TNFRSF13B: variants seen among roughly 807,000 people sequenced by gnomAD.
TNFRSF13B encodes the protein tumor necrosis factor receptor superfamily member 13B.
TNFRSF13B carries 34 observed loss-of-function variants against 24.0 expected under a neutral mutation model. The observed-to-expected ratio is 1.41, with a 90% CI of 1.08 to 1.88. TNFRSF13B has a LOEUF of 1.88. Among genes scored for constraint, TNFRSF13B ranks in the 40% most tolerant of loss-of-function variants. The probability of loss-of-function intolerance (pLI) is 0.00; values close to 1 mark genes in which losing one functional copy is unlikely to be tolerated. For missense variants in TNFRSF13B, 415 were observed against 380.8 expected, an observed-to-expected ratio of 1.09 and a Z score of -0.75; for synonymous variants, 173 against 150.3, an observed-to-expected ratio of 1.15 and a Z score of -1.10.
chr17:16,961,063 C>T (rs1381939667), intron 1 of TNFRSF13B, among the ~76,000 whole-genome samples: 2 of 152,236 alleles, frequency 1.3e-5, no homozygotes, highest in Non-Finnish European at 2.9e-5. Context: ...TATCATTTCA[C>T]ACCCATTAGG....
chr17:16,955,408 G>A (rs907491291), intron 1 of TNFRSF13B, among the ~76,000 whole-genome samples: 27 of 152,234 alleles, frequency 1.8e-4, no homozygotes, highest in African/African-American at 4.6e-4. Context: ...TGTAAAGGAC[G>A]TTCGTAGAAC....
chr17:16,940,139 G>A, intron 4 of TNFRSF13B, 187 bp downstream of exon 4: 1 of 1,433,764 alleles, frequency 7.0e-7, no homozygotes, highest in African/African-American at 1.4e-5. Flanking sequence ...CCCTTCCCGG[G>A]TGCCACTCTC....
Position 16,971,863 on chromosome 17 carries a change from A to C in TNFRSF13B, c.61+152T>G, listed in dbSNP as rs1013530565. 5 of 766,632 alleles carry C rather than the reference A, an allele frequency of 6.5e-6. No individual in the cohort carries two copies. In the African/African-American group the frequency reaches 8.6e-5, roughly 13 times the overall value. 47.5% of individuals were successfully genotyped at this position (766,632 alleles called of 1,614,324 possible). On this transcript the variant is annotated intron_variant, in intron 1 of 4. Coordinates refer to ENST00000261652, the MANE Select transcript of TNFRSF13B (RefSeq NM_012452.3). ...GAGGCATCCAGACTCGGGGCTCTCC[A>C]TGTGCAGGAGCTTGGGGAGGCTGGG...
At chr17:16,952,638 G>T in intron 1 of TNFRSF13B, 55 bp from the exon 2 acceptor site, 1 of 1,613,168 alleles carries the variant, frequency 6.2e-7, no homozygotes, top group South Asian at 1.1e-5. Flanking sequence ...CCGGCCTCTT[G>T]TCCCTGATGG....
Position 16,944,710 on chromosome 17 carries a change from A to G in TNFRSF13B, c.445+4028T>C, listed in dbSNP as rs372376580. Reference sequence around the variant, plus strand: ...AACTGCCTCATTCTCCCCACTCCCCATGCACAGCAAGCCTGCCACAGTTCC... The same window carrying G: ...AACTGCCTCATTCTCCCCACTCCCCGTGCACAGCAAGCCTGCCACAGTTCC... On this transcript the variant is annotated intron_variant, in intron 3 of 4. Transcript: ENST00000261652. Among the ~76,000 whole-genome samples the G allele has an allele frequency of 2.0e-5, 3 of 152,050 alleles. No homozygotes were observed. The East Asian group carries it at 5.8e-4, about 29-fold the overall frequency.
intron 1 of TNFRSF13B, among the ~76,000 whole-genome samples, chr17:16,963,549 T>G (rs1174837549): frequency 6.6e-6 from 1 of 151,802 alleles, no homozygotes; most frequent in Non-Finnish European, 1.5e-5. Flanking sequence ...GTTTTTGTTT[T>G]TGTTTTTTTG....
At chr17:16,952,417 G>A (rs770614505) in intron 2 of TNFRSF13B, 29 bp downstream of exon 2, 2 of 1,613,736 alleles carry the variant, frequency 1.2e-6, no homozygotes, top group Non-Finnish European at 1.7e-6. Flanking sequence ...TGATCACACT[G>A]TCCCCTCGGC....
Position 16,972,044 on chromosome 17 carries a change from C to T in TNFRSF13B, c.32G>A (p.Gly11Asp). The T allele has an allele frequency of 6.2e-7, 1 of 1,614,116 alleles. No homozygotes were observed. The highest frequency in any genetic ancestry group is 8.5e-7 in the Non-Finnish European group (1 of 1,180,034). The change falls in exon 1 of 5, where the codon GGC becomes GAC. Residue 11 changes from glycine to aspartate, a missense_variant. Gly to Asp is a moderately conservative substitution (Grantham distance 94). Coordinates refer to ENST00000261652, the MANE Select transcript of TNFRSF13B (RefSeq NM_012452.3). MSGLGRSRRG[G>D]RSRVDQEERF... Reference sequence around the variant, plus strand: ...CTCCTCCTGGTCCACACGGCTCCGGCCACCTCGCCTGCTCCGGCCCAGGCC... The same window carrying T: ...CTCCTCCTGGTCCACACGGCTCCGGTCACCTCGCCTGCTCCGGCCCAGGCC...
In TNFRSF13B at chr17:16,972,072, T is replaced by C. The variant is rs769586971; in HGVS notation, c.4A>G (p.Ser2Gly). M[S>G]GLGRSRRGGR... ...CCTCGCCTGCTCCGGCCCAGGCCAC[T>C]CATTACTCAGGATGCTTATTACTAG... The change falls in exon 1 of 5, where the codon AGT becomes GGT. Residue 2 changes from serine to glycine, a missense_variant. Ser to Gly is a moderately conservative substitution (Grantham distance 56, BLOSUM62 0). Coordinates refer to ENST00000261652, the MANE Select transcript of TNFRSF13B (RefSeq NM_012452.3). The C allele has an allele frequency of 1.2e-6, 2 of 1,613,952 alleles. No individual in the cohort carries two copies. The highest frequency in any genetic ancestry group is 2.2e-5 in the South Asian group (2 of 91,084).
intron 3 of TNFRSF13B, among the ~76,000 whole-genome samples, chr17:16,946,594 TTA>T (rs1567651582): frequency 3.2e-4 from 47 of 148,940 alleles, no homozygotes; most frequent in South Asian, 1.7e-3. Context: ...ATTTATTTAT[TTA>T]TTTTTTTTTG....
At chr17:16,958,452 G>A (rs1597665389) in intron 1 of TNFRSF13B, among the ~76,000 whole-genome samples, 2 of 151,606 alleles carry the variant, frequency 1.3e-5, no homozygotes, top group Admixed American at 1.3e-4. Context: ...AAACCCACAG[G>A]CTTCATGTAT....
At chr17:16,964,602 A>T in intron 1 of TNFRSF13B, among the ~76,000 whole-genome samples, 1 of 152,062 alleles carries the variant, frequency 6.6e-6, no homozygotes, top group South Asian at 2.1e-4. Context: ...CAGCCTCCCA[A>T]AGTGCTGGGA....
chr17:16,944,421 C>T (rs2087533199), intron 3 of TNFRSF13B, among the ~76,000 whole-genome samples: 1 of 152,130 alleles, frequency 6.6e-6, no homozygotes, highest in East Asian at 1.9e-4. Context: ...ACTCCAGCCT[C>T]ACAGAACTAA....
intron 1 of TNFRSF13B, 134 bp from the exon 2 acceptor site, chr17:16,952,717 G>T: frequency 7.2e-7 from 1 of 1,396,752 alleles, no homozygotes; most frequent in South Asian, 1.2e-5. Flanking sequence ...AGAGAGGGCA[G>T]ACAAAGTTGG....
intron 1 of TNFRSF13B, 109 bp from the exon 2 acceptor site, chr17:16,952,692 T>TG: frequency 6.6e-7 from 1 of 1,526,696 alleles, no homozygotes; most frequent in Non-Finnish European, 8.9e-7. Flanking sequence ...CAGACAACCT[T>TG]TCTGTCTGAG....
chr17:16,939,727 G>A lies in TNFRSF13B; in HGVS notation c.702C>T (p.Phe234=), dbSNP rs758453350. ...CCTGCGTGGGCGCCCTGCACTCAGG[G>A]AAGCAGAAGCTGCAGGTCTCCACTG... ...PEPVETCSFC[F]PECRAPTQES... is the part of the protein sequence containing the mutation. The change falls in exon 5 of 5, where the codon TTC becomes TTT. Residue 234 remains phenylalanine (F), a synonymous_variant. Transcript: ENST00000261652. The A allele has an allele frequency of 5.0e-6, 8 of 1,606,180 alleles. No homozygotes were observed. In the African/African-American group the frequency reaches 8.0e-5, roughly 16 times the overall value.
intron 4 of TNFRSF13B, chr17:16,940,037 A>T: frequency 1.0e-6 from 1 of 979,224 alleles, no homozygotes; most frequent in Non-Finnish European, 1.5e-6. Flanking sequence ...ACGCCCCCCA[A>T]GGGGACACCT....
At chr17:16,969,858 G>A (rs1478825026) in intron 1 of TNFRSF13B, among the ~76,000 whole-genome samples, 2 of 152,100 alleles carry the variant, frequency 1.3e-5, no homozygotes, top group African/African-American at 4.8e-5. Context: ...CAAAATTAAA[G>A]GCAGACCCGA....
intron 1 of TNFRSF13B, among the ~76,000 whole-genome samples, chr17:16,969,646 G>A (rs1028321444): frequency 6.6e-6 from 1 of 152,158 alleles, no homozygotes; most frequent in African/African-American, 2.4e-5. Flanking sequence ...ACACAGACTT[G>A]TATGCTTTAC....
Sources: gnomAD v4.1 joint callset for allele counts (sites outside exome capture counted in the v4.1 genomes callset) on GRCh38, gnomAD v4.1.1 for gene constraint, MANE v1.5 for transcripts, NCBI Gene and HGNC (gene_info 2026-07-23, HGNC 2026-07-21) for gene names.